CDH4: variants seen among roughly 807,000 people sequenced by gnomAD.
CDH4 encodes the protein cadherin-4.
A neutral mutation model predicts 86.0 loss-of-function variants in CDH4; 33 were observed. That is an observed-to-expected ratio of 0.38 (90% CI 0.29 to 0.51). CDH4 has a LOEUF of 0.51. Among genes scored for constraint, CDH4 ranks in the 20% least tolerant of loss-of-function variants. The pLI is 0.86. For missense variants in CDH4, 1,114 were observed against 1,307.4 expected (o/e 0.85, Z 2.28); for synonymous variants, 555 against 549.4 (o/e 1.01, Z -0.14).
intron 2 of CDH4, among the ~76,000 whole-genome samples, chr20:61,410,905 TCATC>T (rs2085115520): frequency 6.6e-6 from 1 of 151,294 alleles, no homozygotes; most frequent in African/African-American, 2.4e-5. Flanking sequence ...CTCCATCTAT[TCATC>T]CAGTCATCCA....
rs2088738619 is a variant in CDH4, at chr20:61,769,007, G to A, written c.397-3996G>A. Among the ~76,000 whole-genome samples, 5 of 152,190 alleles carry A rather than the reference G, an allele frequency of 3.3e-5. No homozygotes were observed. In the South Asian group the frequency reaches 1.0e-3, roughly 32 times the overall value. Reference sequence around the variant, plus strand: ...AAGCACCACCAGGCGGGAGAGACCAGCCAGTCTCTGCCTCCGTCTCCCGCT... The same window carrying A: ...AAGCACCACCAGGCGGGAGAGACCAACCAGTCTCTGCCTCCGTCTCCCGCT... On this transcript the variant is annotated intron_variant, in intron 3 of 15. Transcript: ENST00000614565.
chr20:61,846,338 C>T (rs957543827), intron 5 of CDH4, among the ~76,000 whole-genome samples: 7 of 152,238 alleles, frequency 4.6e-5, no homozygotes, highest in African/African-American at 7.2e-5. Context: ...CTCCGGCTGA[C>T]GCCCCCTGGC....
intron 2 of CDH4, among the ~76,000 whole-genome samples, chr20:61,608,844 A>AT (rs2086663872): frequency 6.6e-6 from 1 of 152,144 alleles, no homozygotes; most frequent in Non-Finnish European, 1.5e-5. Context: ...ACGACCTCCT[A>AT]GATCACAGCA....
chr20:61,629,773 G>A (rs969215120), intron 2 of CDH4, among the ~76,000 whole-genome samples: 1 of 152,324 alleles, frequency 6.6e-6, no homozygotes, highest in Middle Eastern at 3.4e-3. Context: ...ATGGGAAGGT[G>A]CTCGGTGCCC....
intron 2 of CDH4, among the ~76,000 whole-genome samples, chr20:61,716,961 C>A (rs369889243): frequency 6.6e-6 from 1 of 152,202 alleles, no homozygotes; most frequent in East Asian, 1.9e-4. Context: ...TATAACTGAC[C>A]TTGAGGCTGT....
chr20:61,931,503 G>GC (rs2055109162), intron 13 of CDH4, among the ~76,000 whole-genome samples: 1 of 149,510 alleles, frequency 6.7e-6, no homozygotes, highest in African/African-American at 2.6e-5. Context: ...CCTCCTGACT[G>GC]GGGGGTCGCC....
At chr20:61,369,138 C>T (rs1258027256) in intron 2 of CDH4, among the ~76,000 whole-genome samples, 2 of 152,052 alleles carry the variant, frequency 1.3e-5, no homozygotes, top group Non-Finnish European at 2.9e-5. Flanking sequence ...GAACCCCTGG[C>T]CCAGGATAGT....
In CDH4 at chr20:61,902,777, G is replaced by C. The variant is rs1194346801; in HGVS notation, c.1189-7645G>C. Reference sequence around the variant, plus strand: ...CATAGGTGTCGTTTTGGGAATATTTGAAGGAGGAAGATTCTAGCATTGCAG... The same window carrying C: ...CATAGGTGTCGTTTTGGGAATATTTCAAGGAGGAAGATTCTAGCATTGCAG... On this transcript the variant is annotated intron_variant, in intron 8 of 15. Coordinates refer to ENST00000614565, the MANE Select transcript of CDH4 (RefSeq NM_001794.5). The surrounding 1 kb of genome is among the most constrained non-coding windows in gnomAD (Gnocchi z 4.6). 6.6e-6 allele frequency among the ~76,000 whole-genome samples: 1 copy of C among 152,194 alleles called. No homozygotes were observed.
chr20:61,604,318 G>A (rs1346747913), intron 2 of CDH4, among the ~76,000 whole-genome samples: 1 of 152,254 alleles, frequency 6.6e-6, no homozygotes, highest in African/African-American at 2.4e-5. Flanking sequence ...CGCAGCGCCT[G>A]TCTTTGCACC....
chr20:61,820,465 C>G (rs141067360), intron 4 of CDH4, among the ~76,000 whole-genome samples: 1 of 152,334 alleles, frequency 6.6e-6, no homozygotes, highest in East Asian at 1.9e-4. Context: ...TCTGGTCAAA[C>G]CAAAGTCACC....
At chr20:61,552,277 A>G (rs1296637856) in intron 2 of CDH4, among the ~76,000 whole-genome samples, 1 of 152,280 alleles carries the variant, frequency 6.6e-6, no homozygotes, top group East Asian at 1.9e-4. Flanking sequence ...ACTTAATAAA[A>G]AACACAAATA....
intron 2 of CDH4, among the ~76,000 whole-genome samples, chr20:61,668,237 GA>G (rs1368186434): frequency 2.6e-5 from 4 of 152,202 alleles, no homozygotes; most frequent in Non-Finnish European, 5.9e-5. Context: ...GGAGGAGCTG[GA>G]AGCTGTAGGT....
At position 61,445,805 on chromosome 20, in the gene CDH4, C is replaced by T. The variant is rs149525831; in HGVS notation, c.169+190868C>T. ...CCCAGGATGTGACGTGCTGGCTGGA[C>T]GCCATGGTCCTTCGCCCTTTCCTGA... On this transcript the variant is annotated intron_variant, in intron 2 of 15. Coordinates refer to ENST00000614565, the MANE Select transcript of CDH4 (RefSeq NM_001794.5). 4.3e-3 allele frequency among the ~76,000 whole-genome samples: 653 copies of T among 152,346 alleles called. 8 individuals are homozygous for T. The highest frequency in any genetic ancestry group is 0.015 in the Admixed American group (229 of 15,306).
chr20:61,302,660 T>G, intron 2 of CDH4, among the ~76,000 whole-genome samples: 1 of 152,084 alleles, frequency 6.6e-6, no homozygotes, highest in East Asian at 1.9e-4. Flanking sequence ...GCTGCAGCAT[T>G]TGGGTCTGTG....
chr20:61,531,687 G>A (rs892387721), intron 2 of CDH4, among the ~76,000 whole-genome samples: 4 of 152,180 alleles, frequency 2.6e-5, no homozygotes, highest in African/African-American at 4.8e-5. Flanking sequence ...AAGTGCATGC[G>A]TGGACATGGA....
intron 2 of CDH4, among the ~76,000 whole-genome samples, chr20:61,622,599 G>A (rs542831288): frequency 2.3e-4 from 35 of 152,362 alleles, no homozygotes; most frequent in African/African-American, 8.2e-4. Context: ...CCCTTGCTAC[G>A]GAAGACTCAC....
chr20:61,887,774 G>T lies in CDH4; in HGVS notation c.1051-7136G>T, dbSNP rs375035223. Among the ~76,000 whole-genome samples, 4 of 152,162 alleles carry T rather than the reference G, an allele frequency of 2.6e-5. No homozygotes were observed. In the East Asian group the frequency reaches 5.8e-4, roughly 22 times the overall value. On this transcript the variant is annotated intron_variant, in intron 7 of 15. Coordinates refer to ENST00000614565, the MANE Select transcript of CDH4 (RefSeq NM_001794.5). ...CGCTTGGATCCCTCCCTTTCCTGCC[G>T]GCCCGTGTCAGTCTCCTGTTTTCCA... is the stretch of plus-strand genomic sequence containing the variant.
chr20:61,371,104 G>C (rs186999503), intron 2 of CDH4, among the ~76,000 whole-genome samples: 1 of 152,210 alleles, frequency 6.6e-6, no homozygotes, highest in Non-Finnish European at 1.5e-5. Context: ...TGTTTGGAGC[G>C]AGCAGGCTGG....
intron 2 of CDH4, among the ~76,000 whole-genome samples, chr20:61,394,618 T>C (rs977216464): frequency 3.3e-5 from 5 of 151,706 alleles, no homozygotes; most frequent in African/African-American, 9.7e-5. Context: ...AGGGGACAGC[T>C]GAGCACCATC....
Sources: allele counts gnomAD v4.1 joint callset (sites outside exome capture counted in the v4.1 genomes callset), GRCh38; gene constraint gnomAD v4.1.1; non-coding constraint Gnocchi (gnomAD v3.1); transcripts MANE v1.5; gene names NCBI Gene and HGNC (gene_info 2026-07-23, HGNC 2026-07-21).